Variants in CHRNG observed in about 807,000 individuals in gnomAD.
The protein encoded by CHRNG is cholinergic receptor nicotinic gamma subunit, also known as acetylcholine receptor subunit gamma.
In CHRNG, 72 loss-of-function variants were observed where a neutral mutation model predicts 65.2. The observed-to-expected ratio is 1.10, with a 90% CI of 0.91 to 1.34. CHRNG has a LOEUF of 1.34. Ranked by LOEUF, CHRNG falls within the 40% of genes most tolerant of loss-of-function variation. The pLI is 0.00. For synonymous variants in CHRNG, 284 were observed against 290.2 expected, an observed-to-expected ratio of 0.98 and a Z score of 0.22; for missense variants, 637 against 680.1, an observed-to-expected ratio of 0.94 and a Z score of 0.70.
At chr2:232,545,519 C>T (rs770179639) in intron 11 of CHRNG, 24 bp from the exon 12 acceptor site, 5 of 1,610,674 alleles carry the variant, frequency 3.1e-6, no homozygotes, top group Non-Finnish European at 3.4e-6. Flanking sequence ...CGCTGGTTAT[C>T]CCACACCTGC....
Position 232,543,364 on chromosome 2 carries a change from TC to T in CHRNG, c.898del (p.Gln300ArgfsTer10). 6.2e-7 allele frequency: 1 copy of T among 1,613,778 alleles called. No homozygotes were observed. The highest frequency in any genetic ancestry group is 8.5e-7 in the Non-Finnish European group (1 of 1,179,744). On this transcript the variant is annotated frameshift_variant, in exon 8 of 12. Coordinates refer to ENST00000651502, the MANE Select transcript of CHRNG (RefSeq NM_005199.5). LOFTEE classifies it high-confidence loss of function. Reference protein sequence around the residue: ...FLVAKKVPETSQAVPLISKYL... With the variant: ...FLVAKKVPETXQAVPLISKYL... ...TGTGGCCAAGAAGGTGCCTGAAACC[TC>T]CCAGGCGGTGCCACTCATCAGCAAG...
chr2:232,546,308 C>CTTTTT lies in CHRNG; in HGVS notation c.*608_*612dup, dbSNP rs57021172. 742 of 94,764 alleles carry CTTTTT rather than the reference C, an allele frequency of 7.8e-3. 7 individuals are homozygous for CTTTTT. Among genetic ancestry groups the CTTTTT allele is most frequent in the African/African-American group, 0.025 (646 of 26,074 alleles). 5.9% of individuals were successfully genotyped at this position (94,764 alleles called of 1,614,324 possible). A position where few individuals can be genotyped will look rare whatever the true frequency, so the allele number is the denominator to read the frequency against. ...ACGATTTCCTGAGTTTTGTAATCCT[C>CTTTTT]TTTTTTTTTTTTTTTTTTTTAGTTT... On this transcript the variant is annotated 3_prime_UTR_variant, in exon 12 of 12. Transcript: ENST00000651502.
rs1692093499 is a variant in CHRNG, at chr2:232,544,798, C to A, written c.1276C>A (p.Gln426Lys). The A allele has an allele frequency of 6.2e-7, 1 of 1,614,050 alleles. No homozygotes were observed. The highest frequency in any genetic ancestry group is 8.5e-7 in the Non-Finnish European group (1 of 1,180,018). ...GAAAGGCCCGGAGTTAGGGCTGAGC[C>A]AGTTCTGTGGCAGCCTGAAGCAGGC... ...LEKGPELGLS[Q>K]FCGSLKQAAP... The change falls in exon 11 of 12, where the codon CAG becomes AAG. Residue 426 changes from glutamine (Q) to lysine (K), a missense_variant. Gln to Lys is a moderately conservative substitution (Grantham distance 53). Transcript: ENST00000651502.
Position 232,540,719 on chromosome 2 carries a change from G to C in CHRNG, c.350+8G>C. The C allele has an allele frequency of 6.2e-7, 1 of 1,608,132 alleles. No homozygotes were observed. The highest frequency in any genetic ancestry group is 8.5e-7 in the Non-Finnish European group (1 of 1,177,986). ...TATCGTGCTGGAGAACAAGTGAGGA[G>C]GGGGTGCAGGCAGGGGTGTGGGGGA... On this transcript the variant is annotated splice_region_variant and intron_variant, in intron 4 of 11. Transcript: ENST00000651502. This position sits in a 1 kb window ranked among gnomAD's most constrained non-coding sequence, Gnocchi z 4.2.
chr2:232,541,928 G>A lies in CHRNG; in HGVS notation c.506+399G>A. Reference sequence around the variant, plus strand: ...GGCCCTGGCAGGGAATCCAGCGGAAGCATGTATGCAACCAAGCCACCCCTG... The same window carrying A: ...GGCCCTGGCAGGGAATCCAGCGGAAACATGTATGCAACCAAGCCACCCCTG... On this transcript the variant is annotated intron_variant, in intron 5 of 11. Coordinates refer to ENST00000651502, the MANE Select transcript of CHRNG (RefSeq NM_005199.5). The surrounding 1 kb of genome is among the most constrained non-coding windows in gnomAD (Gnocchi z 4.0). 2.9e-6 allele frequency: 1 copy of A among 346,008 alleles called. No homozygotes were observed. Among genetic ancestry groups the A allele is most frequent in the South Asian group, 2.9e-5 (1 of 34,918 alleles). The allele number at this position is 346,008 out of a possible 1,614,324, so 21.4% of individuals were successfully genotyped here. A position where few individuals can be genotyped will look rare whatever the true frequency, so the allele number is the denominator to read the frequency against.
In CHRNG at chr2:232,541,333, G is replaced by A. The variant is rs1456512944; in HGVS notation, c.351-41G>A. On this transcript the variant is annotated intron_variant, in intron 4 of 11. Transcript: ENST00000651502. This position sits in a 1 kb window ranked among gnomAD's most constrained non-coding sequence, Gnocchi z 4.0. ...GTCTGGGGCTGGGGTGTCGGGGGCT[G>A]AGCCCACAGCCTCGTGGCCTGGCCT... The A allele has an allele frequency of 1.9e-6, 3 of 1,613,294 alleles. No individual in the cohort carries two copies. The highest frequency in any genetic ancestry group is 2.2e-5 in the East Asian group (1 of 44,872).
In CHRNG at chr2:232,545,918, T is replaced by C; in HGVS notation, c.*202T>C. On this transcript the variant is annotated 3_prime_UTR_variant, in exon 12 of 12. Coordinates refer to ENST00000651502, the MANE Select transcript of CHRNG (RefSeq NM_005199.5). ...GTGGTTGGGGGTGGGCCGTGGCTAG[T>C]GTCCTGCTGCAGTCAGCACACACGT... The C allele has an allele frequency of 1.5e-6, 1 of 669,288 alleles. No homozygotes were observed. The highest frequency in any genetic ancestry group is 1.7e-5 in the South Asian group (1 of 58,480). The allele number at this position is 669,288 out of a possible 1,614,324, so 41.5% of individuals were successfully genotyped here.
At chr2:232,543,760 G>A (rs771587350) in intron 9 of CHRNG, 61 bp downstream of exon 9, 24 of 987,388 alleles carry the variant, frequency 2.4e-5, no homozygotes, top group African/African-American at 1.1e-4. Context: ...CCTCCCTCTC[G>A]CACGCCCCGG....
At position 232,540,791 on chromosome 2, in the gene CHRNG, A is replaced by G; in HGVS notation, c.350+80A>G. On this transcript the variant is annotated intron_variant, in intron 4 of 11. Coordinates refer to ENST00000651502, the MANE Select transcript of CHRNG (RefSeq NM_005199.5). This position sits in a 1 kb window ranked among gnomAD's most constrained non-coding sequence, Gnocchi z 4.2. Reference sequence around the variant, plus strand: ...CCAGCAGAACAAGGCACTCTGGGAAAAGAGAAAGATGAGCAGAGGGTGCAA... The same window carrying G: ...CCAGCAGAACAAGGCACTCTGGGAAGAGAGAAAGATGAGCAGAGGGTGCAA... The G allele has an allele frequency of 7.7e-7, 1 of 1,298,880 alleles. No individual in the cohort carries two copies. The highest frequency in any genetic ancestry group is 1.1e-6 in the Non-Finnish European group (1 of 924,130). The allele number at this position is 1,298,880 out of a possible 1,614,324, so 80.5% of individuals were successfully genotyped here. A position where few individuals can be genotyped will look rare whatever the true frequency, so the allele number is the denominator to read the frequency against.
In CHRNG at chr2:232,541,884, G is replaced by A. The variant is rs1409279776; in HGVS notation, c.506+355G>A. 5.2e-6 allele frequency: 2 copies of A among 383,886 alleles called. No homozygotes were observed. Among genetic ancestry groups the A allele is most frequent in the South Asian group, 5.1e-5 (2 of 38,984 alleles). 23.8% of individuals were successfully genotyped at this position (383,886 alleles called of 1,614,324 possible). On this transcript the variant is annotated intron_variant, in intron 5 of 11. Transcript: ENST00000651502. This position sits in a 1 kb window ranked among gnomAD's most constrained non-coding sequence, Gnocchi z 4.0. ...ACACTCCAGGCCCACAGGGAGGCAG[G>A]GCTGTCCTGTGAGAGAGGGGCCCTG... is the stretch of plus-strand genomic sequence containing the variant.
chr2:232,541,407 C>T lies in CHRNG; in HGVS notation c.384C>T (p.Cys128=). 1.2e-6 allele frequency: 2 copies of T among 1,614,124 alleles called. No individual in the cohort carries two copies. Among genetic ancestry groups the T allele is most frequent in the Non-Finnish European group, 1.7e-6 (2 of 1,179,982 alleles). Residue 128 remains cysteine (C), a synonymous_variant, in exon 5 of 12, where the codon TGC becomes TGT. Transcript: ENST00000651502. This position sits in a 1 kb window ranked among gnomAD's most constrained non-coding sequence, Gnocchi z 4.0. The part of the protein sequence containing the change: ...VDGVFEVALY[C]NVLVSPDGCI... ...GTGTCTTCGAGGTGGCCCTCTACTG[C>T]AATGTGCTCGTGTCCCCTGACGGCT...
At position 232,541,421 on chromosome 2, in the gene CHRNG, C is replaced by G; in HGVS notation, c.398C>G (p.Ser133Cys). 2.5e-6 allele frequency: 4 copies of G among 1,614,116 alleles called. No individual in the cohort carries two copies. The highest frequency in any genetic ancestry group is 2.2e-5 in the East Asian group (1 of 44,872). ...EVALYCNVLV[S>C]PDGCIYWLPP... ...GCCCTCTACTGCAATGTGCTCGTGT[C>G]CCCTGACGGCTGTATCTACTGGCTG... The change falls in exon 5 of 12, where the codon TCC (serine) becomes TGC (cysteine). Residue 133 changes from serine to cysteine, a missense_variant. By Grantham distance (112) the Ser-to-Cys change is moderately radical. Transcript: ENST00000651502. The surrounding 1 kb of genome is among the most constrained non-coding windows in gnomAD (Gnocchi z 4.0).
At position 232,540,270 on chromosome 2, in the gene CHRNG, G is replaced by A. The variant is rs767614087; in HGVS notation, c.196-111G>A. On this transcript the variant is annotated intron_variant, in intron 2 of 11. Coordinates refer to ENST00000651502, the MANE Select transcript of CHRNG (RefSeq NM_005199.5). This position sits in a 1 kb window ranked among gnomAD's most constrained non-coding sequence, Gnocchi z 4.2. ...GGGTCTGGAAAACCCCCATGGTTGTGGGGGGAGTACTATCAAGAGGCTGGG... is the reference window on the plus strand; with the variant it reads ...GGGTCTGGAAAACCCCCATGGTTGTAGGGGGAGTACTATCAAGAGGCTGGG... The A allele has an allele frequency of 1.2e-4, 189 of 1,595,846 alleles. No individual in the cohort carries two copies. The East Asian group carries it at 2.2e-3, about 18-fold the overall frequency.
chr2:232,543,729 C>A, intron 9 of CHRNG, 30 bp downstream of exon 9: 1 of 1,346,846 alleles, frequency 7.4e-7, no homozygotes, highest in Non-Finnish European at 1.1e-6. Context: ...ACTTCAACAT[C>A]CCGCTGCCCA....
intron 11 of CHRNG, 42 bp downstream of exon 11, chr2:232,544,944 G>T (rs1384653583): frequency 1.2e-6 from 2 of 1,612,848 alleles, no homozygotes; most frequent in Admixed American, 3.3e-5. Context: ...GTGAGTACCT[G>T]GGCTTGGAAC....
chr2:232,541,437 C>T lies in CHRNG; in HGVS notation c.414C>T (p.Ile138=). The T allele has an allele frequency of 6.2e-7, 1 of 1,614,138 alleles. No homozygotes were observed. Among genetic ancestry groups the T allele is most frequent in the Non-Finnish European group, 8.5e-7 (1 of 1,179,992 alleles). The part of the protein sequence containing the change: ...CNVLVSPDGC[I]YWLPPAIFRS... ...TGCTCGTGTCCCCTGACGGCTGTAT[C>T]TACTGGCTGCCGCCTGCCATCTTCC... The change falls in exon 5 of 12, where the codon ATC becomes ATT. Residue 138 remains isoleucine, a synonymous_variant. Transcript: ENST00000651502. The surrounding 1 kb of genome is among the most constrained non-coding windows in gnomAD (Gnocchi z 4.0).
intron 6 of CHRNG, 76 bp downstream of exon 6, chr2:232,542,596 C>T: frequency 2.0e-6 from 2 of 1,024,134 alleles, no homozygotes. Flanking sequence ...CAAGGCTGGA[C>T]CAAGGTCAAA....
Position 232,540,442 on chromosome 2 carries a change from C to A in CHRNG, c.240+17C>A, listed in dbSNP as rs760551747. ...ATAGAGATGGTAAGAGGCCACCCTG[C>A]CACCCTCCTTCCATCAGGGGTCCCA... On this transcript the variant is annotated intron_variant, in intron 3 of 11. Transcript: ENST00000651502. The surrounding 1 kb of genome is among the most constrained non-coding windows in gnomAD (Gnocchi z 4.2). The A allele has an allele frequency of 1.9e-6, 3 of 1,613,278 alleles. No homozygotes were observed. Among genetic ancestry groups the A allele is most frequent in the East Asian group, 2.2e-5 (1 of 44,880 alleles).
intron 11 of CHRNG, among the ~76,000 whole-genome samples, 173 bp from the exon 12 acceptor site, chr2:232,545,370 G>A (rs1316981997): frequency 6.6e-6 from 1 of 151,886 alleles, no homozygotes; most frequent in African/African-American, 2.4e-5. Flanking sequence ...GGCAGGGGGG[G>A]CACCTCAGGG....
Sources: allele counts gnomAD v4.1 joint callset (sites outside exome capture counted in the v4.1 genomes callset), GRCh38; gene constraint gnomAD v4.1.1; non-coding constraint Gnocchi (gnomAD v3.1); transcripts MANE v1.5; gene names NCBI Gene and HGNC (gene_info 2026-07-23, HGNC 2026-07-21).